TNFRSF19: variants seen among roughly 807,000 people sequenced by gnomAD.
TNFRSF19 encodes the protein tumor necrosis factor receptor superfamily member 19.
TNFRSF19 carries 27 observed loss-of-function variants against 46.4 expected under a neutral mutation model. The observed-to-expected ratio is 0.58, with a 90% CI of 0.43 to 0.80. TNFRSF19 has a LOEUF of 0.80. Ranked by LOEUF, TNFRSF19 falls within the 30% of genes least tolerant of loss-of-function variation. The pLI, the probability that TNFRSF19 is intolerant of heterozygous loss-of-function variation, is 0.00. For missense variants in TNFRSF19, 511 were observed against 530.8 expected (o/e 0.96, Z 0.37); for synonymous variants, 204 against 205.0 (o/e 1.00, Z 0.04).
intron 5 of TNFRSF19, among the ~76,000 whole-genome samples, chr13:23,655,120 T>C (rs549189439): frequency 6.6e-6 from 1 of 152,324 alleles, no homozygotes; most frequent in Admixed American, 6.5e-5. Flanking sequence ...GATGGGACTT[T>C]ATAAAAACAC....
At position 23,612,790 on chromosome 13, in the gene TNFRSF19, C is replaced by T. The variant is rs186796241; in HGVS notation, c.181-3077C>T. Among the ~76,000 whole-genome samples the T allele has an allele frequency of 9.5e-3, 1,440 of 152,114 alleles. 9 individuals carry two copies. Among genetic ancestry groups the T allele is most frequent in the Non-Finnish European group, 0.012 (791 of 67,988 alleles). ...TTTTATTATTTTGCCAAAAAATAACCACAAAGACCTCCACCACATTAAGTT... is the reference window on the plus strand; with the variant it reads ...TTTTATTATTTTGCCAAAAAATAACTACAAAGACCTCCACCACATTAAGTT... On this transcript the variant is annotated intron_variant, in intron 3 of 9. Coordinates refer to ENST00000248484, the MANE Select transcript of TNFRSF19 (RefSeq NM_148957.4).
chr13:23,571,378 G>A (rs545134989), intron 1 of TNFRSF19, among the ~76,000 whole-genome samples: 9 of 152,192 alleles, frequency 5.9e-5, no homozygotes, highest in African/African-American at 2.2e-4. Flanking sequence ...TACACTCAAG[G>A]GAATCACTGA....
In TNFRSF19 at chr13:23,573,793, T is replaced by C. The variant is rs139279076; in HGVS notation, c.-35+2945T>C. 3.2e-3 allele frequency among the ~76,000 whole-genome samples: 484 copies of C among 152,316 alleles called. 5 individuals carry two copies. The highest frequency in any genetic ancestry group is 0.011 in the African/African-American group (449 of 41,574). On this transcript the variant is annotated intron_variant, in intron 1 of 9. Coordinates refer to ENST00000248484, the MANE Select transcript of TNFRSF19 (RefSeq NM_148957.4). The stretch of plus-strand genomic sequence containing the variant: ...AAATATATCTTGGGGCCAGGAGCGG[T>C]GGCTCACGCCTGTAATCCCAGCACT...
intron 7 of TNFRSF19, among the ~76,000 whole-genome samples, chr13:23,664,255 C>T (rs1045977711): frequency 2.6e-5 from 4 of 152,108 alleles, no homozygotes; most frequent in Non-Finnish European, 5.9e-5. Context: ...TTAGTATTTA[C>T]CCAAAAGTCA....
intron 5 of TNFRSF19, among the ~76,000 whole-genome samples, chr13:23,640,587 C>G (rs1195544259): frequency 1.3e-5 from 2 of 152,212 alleles, no homozygotes; most frequent in Non-Finnish European, 2.9e-5. Context: ...CCACCTTTCT[C>G]CTGCACACCT....
At chr13:23,634,573 G>A (rs1373926092) in intron 5 of TNFRSF19, among the ~76,000 whole-genome samples, 2 of 152,238 alleles carry the variant, frequency 1.3e-5, no homozygotes, top group African/African-American at 2.4e-5. Context: ...AAGTCCACAC[G>A]TAGTGAAACA....
chr13:23,602,594 C>G (rs781244383), intron 3 of TNFRSF19, among the ~76,000 whole-genome samples: 25 of 152,126 alleles, frequency 1.6e-4, no homozygotes, highest in Non-Finnish European at 1.6e-4. Flanking sequence ...ATTCACCAAG[C>G]TAGACCACAT....
intron 1 of TNFRSF19, among the ~76,000 whole-genome samples, chr13:23,575,068 C>G (rs192424839): frequency 3.3e-5 from 5 of 152,342 alleles, no homozygotes; most frequent in South Asian, 2.1e-4. Context: ...GCCCCCCATT[C>G]TTTGGTGGCT....
intron 4 of TNFRSF19, among the ~76,000 whole-genome samples, chr13:23,617,092 G>T (rs4411363): frequency 0.5 from 76,534 of 151,628 alleles, 21,115 homozygotes; most frequent in Middle Eastern, 0.63. Context: ...GCTTGAAGGA[G>T]ACGAGGCACG....
intron 7 of TNFRSF19, among the ~76,000 whole-genome samples, chr13:23,663,467 C>G (rs1373714131): frequency 6.6e-6 from 1 of 152,052 alleles, no homozygotes; most frequent in Admixed American, 6.5e-5. Context: ...GGATATTGGC[C>G]TGAAGTTTTG....
At position 23,626,760 on chromosome 13, in the gene TNFRSF19, G is replaced by T; in HGVS notation, c.413G>T (p.Cys138Phe). 6.2e-7 allele frequency: 1 copy of T among 1,614,184 alleles called. No homozygotes were observed. The highest frequency in any genetic ancestry group is 1.1e-5 in the South Asian group (1 of 91,080). ...TTTCAAGACATGGAGTGTGTGCCTTGTGGAGACCCTCCTCCTCCTTACGAA... is the reference window on the plus strand; with the variant it reads ...TTTCAAGACATGGAGTGTGTGCCTTTTGGAGACCCTCCTCCTCCTTACGAA... ...VGFQDMECVP[C>F]GDPPPPYEPH... Residue 138 changes from cysteine to phenylalanine, a missense_variant, in exon 5 of 10, where the codon TGT (cysteine) becomes TTT (phenylalanine). By Grantham distance (205) the Cys-to-Phe change is radical. This residue lies in a region of TNFRSF19 where 376 missense variants were observed against 372.7 expected (regional missense o/e 1.01). Coordinates refer to ENST00000248484, the MANE Select transcript of TNFRSF19 (RefSeq NM_148957.4).
intron 3 of TNFRSF19, among the ~76,000 whole-genome samples, chr13:23,602,010 C>G (rs1566176981): frequency 2.6e-5 from 4 of 152,114 alleles, no homozygotes; most frequent in Non-Finnish European, 5.9e-5. Flanking sequence ...TATATGGTAA[C>G]TATTAGCCCA....
chr13:23,614,742 AATACATATATAT>A (rs1566185838), intron 3 of TNFRSF19, among the ~76,000 whole-genome samples: 2 of 75,278 alleles, frequency 2.7e-5, no homozygotes, highest in Admixed American at 2.4e-4. Flanking sequence ...GTGGATAAGT[AATACATATATAT>A]ATATATATAT....
At chr13:23,636,517 TG>T (rs1882693760) in intron 5 of TNFRSF19, among the ~76,000 whole-genome samples, 1 of 152,156 alleles carries the variant, frequency 6.6e-6, no homozygotes, top group Non-Finnish European at 1.5e-5. Context: ...ATGAGGACAC[TG>T]GGGCTGCCCT....
At chr13:23,625,743 G>C (rs1455823726) in intron 4 of TNFRSF19, among the ~76,000 whole-genome samples, 1 of 151,996 alleles carries the variant, frequency 6.6e-6, no homozygotes, top group Non-Finnish European at 1.5e-5. Flanking sequence ...GTGACAGATT[G>C]CTAAATTGCC....
At chr13:23,638,490 T>C (rs1051731679) in intron 5 of TNFRSF19, among the ~76,000 whole-genome samples, 11 of 152,150 alleles carry the variant, frequency 7.2e-5, no homozygotes, top group Admixed American at 6.5e-4. Flanking sequence ...TCATTGCTTT[T>C]TCGGTCTTCT....
chr13:23,629,336 CAGA>C (rs1304951264), intron 5 of TNFRSF19, among the ~76,000 whole-genome samples: 1 of 152,218 alleles, frequency 6.6e-6, no homozygotes, highest in African/African-American at 2.4e-5. Flanking sequence ...ACGCCTTCTG[CAGA>C]AGGAGACCCT....
chr13:23,604,099 A>AAAATGC (rs1880351526), intron 3 of TNFRSF19, among the ~76,000 whole-genome samples: 1 of 152,126 alleles, frequency 6.6e-6, no homozygotes, highest in African/African-American at 2.4e-5. Flanking sequence ...ATCTATGTAG[A>AAAATGC]AAATGCAAGA....
intron 1 of TNFRSF19, among the ~76,000 whole-genome samples, chr13:23,584,536 G>A (rs1017960950): frequency 6.6e-6 from 1 of 151,408 alleles, no homozygotes; most frequent in Non-Finnish European, 1.5e-5. Context: ...CTATAAAAAT[G>A]TGTGTGCAAG....
Sources: gnomAD v4.1 joint callset for allele counts (sites outside exome capture counted in the v4.1 genomes callset) on GRCh38, gnomAD v4.1.1 for gene constraint, gnomAD v4.1.1 regional missense constraint, MANE v1.5 for transcripts, NCBI Gene and HGNC (gene_info 2026-07-23, HGNC 2026-07-21) for gene names.